The following TEP1 variants were observed in gnomAD, a reference collection of about 807,000 sequenced individuals.
TEP1 encodes the protein telomerase protein component 1.
Under a neutral mutation model 306.3 loss-of-function variants are expected in TEP1, and 241 were observed. That is an observed-to-expected ratio of 0.79 (90% CI 0.71 to 0.88). The LOEUF is 0.88. TEP1 is among the 40% of genes least tolerant of loss of function. The pLI is 0.00. For missense variants in TEP1, 3,051 were observed against 3,276.1 expected (o/e 0.93, Z 1.68); for synonymous variants, 1,289 against 1,305.5 (o/e 0.99, Z 0.27).
At chr14:20,375,685 C>T (rs1367411190) in intron 43 of TEP1, 70 bp downstream of exon 43, 5 of 944,478 alleles carry the variant, frequency 5.3e-6, no homozygotes, top group South Asian at 2.7e-5. Flanking sequence ...AGAAAAAGGA[C>T]GAGGTGGGGA....
At position 20,383,553 on chromosome 14, in the gene TEP1, C is replaced by G; in HGVS notation, c.3802G>C (p.Ala1268Pro). The change falls in exon 26 of 55, where the codon GCT (alanine) becomes CCT (proline). Residue 1268 changes from alanine (A) to proline (P), a missense_variant. This residue lies in a region of TEP1 where 1,540 missense variants were observed against 1,705.9 expected (regional missense o/e 0.90). Transcript: ENST00000262715. ...CCATTCTGGTCCACTAACCTATCAG[C>G]CCCATCGATGATCAGGACCTGGGTC... ...GQTQVLIIDGADRLVDQNGQL... is the reference protein window; with the variant it reads ...GQTQVLIIDGPDRLVDQNGQL... The G allele has an allele frequency of 6.2e-7, 1 of 1,614,206 alleles. No individual in the cohort carries two copies. The highest frequency in any genetic ancestry group is 1.1e-5 in the South Asian group (1 of 91,082).
In TEP1 at chr14:20,380,448, T is replaced by C. The variant is rs769221526; in HGVS notation, c.4790A>G (p.Lys1597Arg). ...YASSVPKEEQ[K>R]LPEADVAVFR... is the part of the protein sequence containing the mutation. ...CACTGCAACGTCAGCCTCGGGGAGC[T>C]TTTGTTCCTCTTTGGGGACTGAAGA... The change falls in exon 34 of 55, where the codon AAG (lysine) becomes AGG (arginine). Residue 1597 changes from lysine to arginine, a missense_variant. Lys to Arg is a conservative substitution (Grantham distance 26, BLOSUM62 2). Transcript: ENST00000262715. 11 of 1,613,600 alleles carry C rather than the reference T, an allele frequency of 6.8e-6. No homozygotes were observed. Among genetic ancestry groups the C allele is most frequent in the South Asian group, 1.1e-5 (1 of 91,074 alleles).
At chr14:20,382,774 G>A in intron 27 of TEP1, 59 bp from the exon 28 acceptor site, 1 of 1,518,052 alleles carries the variant, frequency 6.6e-7, no homozygotes, top group South Asian at 1.1e-5. Context: ...CCAGCCCTCT[G>A]CCCCAGCACC....
intron 9 of TEP1, among the ~76,000 whole-genome samples, chr14:20,399,500 A>G (rs1878480965): frequency 6.6e-6 from 1 of 151,608 alleles, no homozygotes; most frequent in Admixed American, 6.6e-5. Flanking sequence ...TTTATCTTAT[A>G]TTTTATACTT....
At chr14:20,376,073 G>A (rs756821811) in intron 42 of TEP1, 31 bp downstream of exon 42, 1 of 1,607,010 alleles carries the variant, frequency 6.2e-7, no homozygotes, top group South Asian at 1.1e-5. Context: ...GAGGCTATGG[G>A]ACCCCAGGGT....
rs1229078435 is a variant in TEP1, at chr14:20,407,933, T to G, written c.507A>C (p.Ser169=). The change falls in exon 2 of 55, where the codon TCA becomes TCC. Residue 169 remains serine, a synonymous_variant. Transcript: ENST00000262715. The part of the protein sequence containing the change: ...AQHFSKGLDL[S]TCPIALKSIS... ...TGGATTTCAGGGCTATAGGGCAGGT[T>G]GAAAGGTCTAGTCCCTTAGAGAAAT... 12 of 1,613,624 alleles carry G rather than the reference T, an allele frequency of 7.4e-6. No homozygotes were observed. The highest frequency in any genetic ancestry group is 1.0e-5 in the Non-Finnish European group (12 of 1,179,858).
intron 44 of TEP1, among the ~76,000 whole-genome samples, chr14:20,374,126 T>C (rs1347790008): frequency 6.6e-6 from 1 of 151,806 alleles, no homozygotes; most frequent in Non-Finnish European, 1.5e-5. Context: ...CTCACTCTGT[T>C]ACACTGGAGG....
chr14:20,403,299 T>C, intron 7 of TEP1, 78 bp downstream of exon 7: 9 of 1,544,610 alleles, frequency 5.8e-6, no homozygotes, highest in Non-Finnish European at 7.9e-6. Context: ...TTTTCAACCC[T>C]AATAGAATTT....
At position 20,366,557 on chromosome 14, in the gene TEP1, T is replaced by C. The variant is rs985618715; in HGVS notation, c.*1880A>G. ...CAGAAGCATGGCCTATCAGCGGATG[T>C]CATCATCCTCTGGTCAGGATGGAAA... is the stretch of plus-strand genomic sequence containing the variant. On this transcript the variant is annotated 3_prime_UTR_variant, in exon 55 of 55. Coordinates refer to ENST00000262715, the MANE Select transcript of TEP1 (RefSeq NM_007110.5). The C allele has an allele frequency of 6.6e-6, 1 of 152,200 alleles. No individual in the cohort carries two copies. The highest frequency in any genetic ancestry group is 1.5e-5 in the Non-Finnish European group (1 of 68,026). 9.4% of individuals were successfully genotyped at this position (152,200 alleles called of 1,614,324 possible).
intron 49 of TEP1, among the ~76,000 whole-genome samples, chr14:20,371,924 C>T (rs1884865536): frequency 6.6e-6 from 1 of 152,116 alleles, no homozygotes; most frequent in South Asian, 2.1e-4. Context: ...ATCCGTATCT[C>T]CCCTTCTCAT....
chr14:20,375,546 TA>T (rs1885124815), intron 43 of TEP1, among the ~76,000 whole-genome samples: 1 of 152,094 alleles, frequency 6.6e-6, no homozygotes, highest in South Asian at 2.1e-4. Flanking sequence ...AAAATAGAGA[TA>T]AAAGGAGTAT....
rs1288628486 is a variant in TEP1 at position 20,403,362 on chromosome 14, G to T, written c.1266+15C>A. 1 of 1,613,856 alleles carries T rather than the reference G, an allele frequency of 6.2e-7. No individual in the cohort carries two copies. Among genetic ancestry groups the T allele is most frequent in the East Asian group, 2.2e-5 (1 of 44,892 alleles). On this transcript the variant is annotated intron_variant, in intron 7 of 54. Coordinates refer to ENST00000262715, the MANE Select transcript of TEP1 (RefSeq NM_007110.5). ...TTGTACATGCACATATACAACCCCA[G>T]AAGAAGGGACTCACCTTTCTCTGCT... is the stretch of plus-strand genomic sequence containing the variant.
At chr14:20,370,282 G>A (rs527772763) in intron 51 of TEP1, among the ~76,000 whole-genome samples, 15 of 152,202 alleles carry the variant, frequency 9.9e-5, no homozygotes, top group Non-Finnish European at 1.5e-4. Flanking sequence ...GCAGTCACCC[G>A]ACAGATCAAG....
intron 1 of TEP1, among the ~76,000 whole-genome samples, chr14:20,409,189 G>C (rs548297655): frequency 2.7e-4 from 41 of 152,174 alleles, no homozygotes; most frequent in African/African-American, 9.4e-4. Flanking sequence ...CACCCCTCAA[G>C]TAGAATATGA....
chr14:20,384,065 CT>C lies in TEP1; in HGVS notation c.3506del (p.Gln1169ArgfsTer28). 6.2e-7 allele frequency: 1 copy of C among 1,612,168 alleles called. No individual in the cohort carries two copies. The highest frequency in any genetic ancestry group is 1.1e-5 in the South Asian group (1 of 90,770). On this transcript the variant is annotated frameshift_variant, in exon 24 of 55. Transcript: ENST00000262715. LOFTEE classifies it high-confidence loss of function. The part of the protein sequence containing the change: ...PHGRLSLVTG[Q>X]SGQGKTAFLA... ...GGAAGGCTGTCTTGCCCTGTCCTGA[CT>C]GCCCCGTCACCAGGCTCAGCCTTCC...
chr14:20,400,462 A>C (rs1163495234), intron 9 of TEP1, among the ~76,000 whole-genome samples: 2 of 151,028 alleles, frequency 1.3e-5, no homozygotes, highest in African/African-American at 2.4e-5. Flanking sequence ...AAAGTAAAAA[A>C]CGAAAGAAAG....
In TEP1 at chr14:20,371,274, T is replaced by C; in HGVS notation, c.7261A>G (p.Lys2421Glu). 1 of 1,614,188 alleles carries C rather than the reference T, an allele frequency of 6.2e-7. No homozygotes were observed. Among genetic ancestry groups the C allele is most frequent in the Non-Finnish European group, 8.5e-7 (1 of 1,180,028 alleles). ...TGCAGGACAAATATGCCATACTCCT[T>C]GTGGGTGGACAATATCATAGGATTT... is the stretch of plus-strand genomic sequence containing the variant. ...TENPMILSTH[K>E]EYGIFVLQPK... Residue 2421 changes from lysine to glutamate, a missense_variant, in exon 51 of 55, where the codon AAG becomes GAG. Coordinates refer to ENST00000262715, the MANE Select transcript of TEP1 (RefSeq NM_007110.5).
Position 20,380,181 on chromosome 14 carries a change from G to A in TEP1, c.5003+54C>T. ...CATCCTTATTCCTCAGTTTCAGAAA[G>A]AGCTGCAGCTTGCTCTCTGGTGGGC... On this transcript the variant is annotated intron_variant, in intron 34 of 54. Transcript: ENST00000262715. The A allele has an allele frequency of 1.9e-6, 3 of 1,591,030 alleles. No homozygotes were observed. The Admixed American group carries it at 5.2e-5, about 27-fold the overall frequency.
chr14:20,400,497 CAAAAAAAAAA>C (rs71108598), intron 9 of TEP1, among the ~76,000 whole-genome samples: 14 of 85,488 alleles, frequency 1.6e-4, no homozygotes, highest in African/African-American at 4.9e-4. Context: ...AAAAGTAGAC[CAAAAAAAAAA>C]AAAAAAAAAA....
Sources: allele counts gnomAD v4.1 joint callset (sites outside exome capture counted in the v4.1 genomes callset), GRCh38; gene constraint gnomAD v4.1.1; regional missense constraint gnomAD v4.1.1; transcripts MANE v1.5; gene names NCBI Gene and HGNC (gene_info 2026-07-23, HGNC 2026-07-21).